ST3GAL3: variants seen among roughly 807,000 people sequenced by gnomAD.
The protein encoded by ST3GAL3 is ST3 beta-galactoside alpha-2,3-sialyltransferase 3.
ST3GAL3 carries 21 observed loss-of-function variants against 50.1 expected under a neutral mutation model. The ratio of observed to expected loss-of-function variants is 0.42; its 90% CI spans 0.30 to 0.60. The LOEUF is 0.60. ST3GAL3 is among the 20% of genes least tolerant of loss of function. The pLI, the probability that ST3GAL3 is intolerant of heterozygous loss-of-function variation, is 0.19. For missense variants in ST3GAL3, 353 were observed against 489.4 expected, an observed-to-expected ratio of 0.72 and a Z score of 2.63; for synonymous variants, 183 against 190.0, an observed-to-expected ratio of 0.96 and a Z score of 0.30.
intron 9 of ST3GAL3, chr1:43,912,178 A>G (rs1346327333): frequency 1.3e-5 from 2 of 152,200 alleles, no homozygotes; most frequent in African/African-American, 4.8e-5. Flanking sequence ...AAGTCTCATC[A>G]AGGAGCCTGG....
intron 2 of ST3GAL3, among the ~76,000 whole-genome samples, chr1:43,760,749 C>G: frequency 6.6e-6 from 1 of 151,328 alleles, no homozygotes; most frequent in African/African-American, 2.4e-5. Context: ...CAGCAAGGCT[C>G]CGTCTCAAAA....
chr1:43,788,731 G>A (rs6691988), intron 2 of ST3GAL3, among the ~76,000 whole-genome samples: 126,073 of 152,210 alleles, frequency 0.83, 52,772 homozygotes, highest in East Asian at 0.92. Flanking sequence ...TTAGGCATCA[G>A]AGCCTCAAAA....
intron 5 of ST3GAL3, chr1:43,850,368 C>A: frequency 1.8e-6 from 1 of 558,374 alleles, no homozygotes; most frequent in Non-Finnish European, 3.4e-6. Context: ...AGCCTGCACA[C>A]ACCCCTGGTA....
At chr1:43,733,206 G>T (rs559850510) in intron 1 of ST3GAL3, among the ~76,000 whole-genome samples, 1 of 152,082 alleles carries the variant, frequency 6.6e-6, no homozygotes, top group Non-Finnish European at 1.5e-5. Flanking sequence ...TCATCATCTT[G>T]CCCAGGCTGG....
rs2077895852 is a variant in ST3GAL3, at chr1:43,899,388, T to G, written c.557+125T>G. The G allele has an allele frequency of 3.8e-6, 6 of 1,586,618 alleles. No individual in the cohort carries two copies. The highest frequency in any genetic ancestry group is 3.4e-5 in the South Asian group (3 of 88,566). On this transcript the variant is annotated intron_variant, in intron 8 of 11. Transcript: ENST00000347631. This position sits in a 1 kb window ranked among gnomAD's most constrained non-coding sequence, Gnocchi z 5.4. ...CAACGGAAGCCTCAAGAACTCTGGG[T>G]TGGAGGGCTTTGGAACAGACAACTA...
At chr1:43,765,740 T>G (rs893604267) in intron 2 of ST3GAL3, among the ~76,000 whole-genome samples, 7 of 136,812 alleles carry the variant, frequency 5.1e-5, no homozygotes, top group Non-Finnish European at 9.7e-5. Flanking sequence ...TGCATGTGTG[T>G]GTCTGTGTGT....
intron 5 of ST3GAL3, among the ~76,000 whole-genome samples, chr1:43,886,677 A>G (rs2154261114): frequency 6.6e-6 from 1 of 152,338 alleles, no homozygotes; most frequent in East Asian, 1.9e-4. Flanking sequence ...TATATATAAC[A>G]GTAGTCCCAG....
chr1:43,901,960 G>A (rs1479357271), intron 9 of ST3GAL3, among the ~76,000 whole-genome samples: 4 of 152,224 alleles, frequency 2.6e-5, no homozygotes, highest in African/African-American at 9.6e-5. Flanking sequence ...CCATCTCTCA[G>A]AGTGGACCTG....
At chr1:43,853,731 G>T (rs2067802445) in intron 5 of ST3GAL3, among the ~76,000 whole-genome samples, 1 of 152,220 alleles carries the variant, frequency 6.6e-6, no homozygotes, top group African/African-American at 2.4e-5. Flanking sequence ...ATCTGTGACT[G>T]TGCGTCTGTG....
chr1:43,853,016 G>GA (rs1446629078), intron 5 of ST3GAL3, among the ~76,000 whole-genome samples: 2 of 152,038 alleles, frequency 1.3e-5, no homozygotes. Flanking sequence ...TCTTTAAAAA[G>GA]AAAAAATATA....
chr1:43,731,259 TG>T (rs1675645541), intron 1 of ST3GAL3, among the ~76,000 whole-genome samples: 1 of 152,088 alleles, frequency 6.6e-6, no homozygotes, highest in Non-Finnish European at 1.5e-5. Flanking sequence ...CGCCCAGGCT[TG>T]GAGTGCAGTG....
chr1:43,766,314 G>A (rs973902640), intron 2 of ST3GAL3, among the ~76,000 whole-genome samples: 2 of 151,992 alleles, frequency 1.3e-5, no homozygotes, highest in African/African-American at 4.8e-5. Context: ...CCTGGGCCTG[G>A]GAATTTTAAA....
chr1:43,790,303 C>T (rs1410370188), intron 2 of ST3GAL3, among the ~76,000 whole-genome samples: 1 of 152,128 alleles, frequency 6.6e-6, no homozygotes, highest in Non-Finnish European at 1.5e-5. Context: ...GTTATGATAA[C>T]TATTGTGTTG....
At chr1:43,766,491 G>A (rs1016870667) in intron 2 of ST3GAL3, among the ~76,000 whole-genome samples, 4 of 152,302 alleles carry the variant, frequency 2.6e-5, no homozygotes, top group Non-Finnish European at 2.9e-5. Flanking sequence ...GGGACCTGGC[G>A]GTTGGGGTAG....
In ST3GAL3 at chr1:43,930,116, T is replaced by C; in HGVS notation, c.1039-16T>C. 6.2e-7 allele frequency: 1 copy of C among 1,613,592 alleles called. No individual in the cohort carries two copies. The highest frequency in any genetic ancestry group is 8.5e-7 in the Non-Finnish European group (1 of 1,179,506). On this transcript the variant is annotated splice_polypyrimidine_tract_variant and intron_variant, in intron 11 of 11. Transcript: ENST00000347631. Reference sequence around the variant, plus strand: ...TTGAGCAAAGGCCCAACTGATCACTTCATCTCTCCTTTCAGTCCTGGACGC... The same window carrying C: ...TTGAGCAAAGGCCCAACTGATCACTCCATCTCTCCTTTCAGTCCTGGACGC...
At chr1:43,898,213 A>C in intron 6 of ST3GAL3, 22 bp from the exon 7 acceptor site, 1 of 1,613,384 alleles carries the variant, frequency 6.2e-7, no homozygotes, top group East Asian at 2.2e-5. Context: ...CTGTAACAGA[A>C]ACCTCTCTCC....
chr1:43,896,713 T>C (rs1413797008), intron 6 of ST3GAL3: 1 of 152,120 alleles, frequency 6.6e-6, no homozygotes, highest in Non-Finnish European at 1.5e-5. Context: ...CTGACTAATT[T>C]TTGTATTTTT....
At chr1:43,793,164 C>T (rs1045247531) in intron 3 of ST3GAL3, among the ~76,000 whole-genome samples, 2 of 152,182 alleles carry the variant, frequency 1.3e-5, no homozygotes, top group Non-Finnish European at 2.9e-5. Context: ...TGTGCCAGCA[C>T]TGTGCTGAGT....
intron 2 of ST3GAL3, among the ~76,000 whole-genome samples, chr1:43,778,644 CTTTTTTTTTTT>C (rs35726867): frequency 1.7e-5 from 2 of 118,706 alleles, no homozygotes; most frequent in Non-Finnish European, 3.4e-5. Flanking sequence ...TTCTTTTTTT[CTTTTTTTTTTT>C]TTTTTTTTGA....
Sources: gnomAD v4.1 joint callset for allele counts (sites outside exome capture counted in the v4.1 genomes callset) on GRCh38, gnomAD v4.1.1 for gene constraint, Gnocchi (gnomAD v3.1) non-coding constraint, MANE v1.5 for transcripts, NCBI Gene and HGNC (gene_info 2026-07-23, HGNC 2026-07-21) for gene names.